Variants in APOBEC2 observed in about 807,000 individuals in gnomAD.
APOBEC2 encodes the protein C->U-editing enzyme APOBEC-2.
APOBEC2 carries 14 observed loss-of-function variants against 19.4 expected under a neutral mutation model. The ratio of observed to expected loss-of-function variants is 0.72; its 90% CI spans 0.48 to 1.13. The LOEUF is 1.13. APOBEC2 is among the 50% of genes most tolerant of loss of function. APOBEC2 has a pLI of 0.00. For synonymous variants in APOBEC2, 127 were observed against 112.1 expected (o/e 1.13, Z -0.84); for missense variants, 304 against 277.0 (o/e 1.10, Z -0.69).
At chr6:41,057,103 T>C (rs1762806716) in intron 1 of APOBEC2, among the ~76,000 whole-genome samples, 1 of 152,238 alleles carries the variant, frequency 6.6e-6, no homozygotes, top group African/African-American at 2.4e-5. Flanking sequence ...CCAGGGATTA[T>C]TATGGAACAA....
intron 1 of APOBEC2, 88 bp downstream of exon 1, chr6:41,053,566 G>A (rs1762757553): frequency 6.4e-7 from 1 of 1,570,526 alleles, no homozygotes. Context: ...GTTATATTAG[G>A]CGTCAGGGAC....
At chr6:41,057,557 TTGGTATCCGCTTTGAAAAG>T (rs1330530683) in intron 1 of APOBEC2, among the ~76,000 whole-genome samples, 1 of 152,178 alleles carries the variant, frequency 6.6e-6, no homozygotes, top group Non-Finnish European at 1.5e-5. Flanking sequence ...TGCCCACTCC[TTGGTATCCGCTTTGAAAAG>T]TGGTCTGAGA....
intron 1 of APOBEC2, among the ~76,000 whole-genome samples, chr6:41,056,651 C>T (rs1160798127): frequency 6.6e-6 from 1 of 152,186 alleles, no homozygotes; most frequent in Non-Finnish European, 1.5e-5. Flanking sequence ...TGCCTGTTTC[C>T]CCTGTTAGTA....
At chr6:41,055,966 C>G (rs1282975482) in intron 1 of APOBEC2, among the ~76,000 whole-genome samples, 2 of 152,106 alleles carry the variant, frequency 1.3e-5, no homozygotes, top group African/African-American at 4.8e-5. Context: ...ATGAGTGTTA[C>G]ACTTATCAGC....
chr6:41,063,677 C>A (rs923278556), intron 2 of APOBEC2, among the ~76,000 whole-genome samples: 2 of 118,344 alleles, frequency 1.7e-5, no homozygotes, highest in African/African-American at 6.4e-5. Flanking sequence ...AAAAAAAAAA[C>A]TGGCATGAGA....
At chr6:41,055,026 A>G (rs1236464602) in intron 1 of APOBEC2, among the ~76,000 whole-genome samples, 1 of 152,222 alleles carries the variant, frequency 6.6e-6, no homozygotes, top group East Asian at 1.9e-4. Flanking sequence ...TATAATCACA[A>G]CATAGTTTCA....
At position 41,064,616 on chromosome 6, in the gene APOBEC2, T is replaced by C. The variant is rs1762935821; in HGVS notation, c.*537T>C. ...ACACTCCAGGCTATGAACCAAGCCATGGTTAAACCAAGACTTGCCTAGACA... is the reference window on the plus strand; with the variant it reads ...ACACTCCAGGCTATGAACCAAGCCACGGTTAAACCAAGACTTGCCTAGACA... On this transcript the variant is annotated 3_prime_UTR_variant, in exon 3 of 3. Transcript: ENST00000244669. 6.6e-6 allele frequency: 1 copy of C among 152,208 alleles called. No individual in the cohort carries two copies. Among genetic ancestry groups the C allele is most frequent in the African/African-American group, 2.4e-5 (1 of 41,450 alleles). The allele number at this position is 152,208 out of a possible 1,614,324, so 9.4% of individuals were successfully genotyped here.
intron 1 of APOBEC2, among the ~76,000 whole-genome samples, chr6:41,056,161 G>C (rs907971829): frequency 2.6e-5 from 4 of 152,090 alleles, no homozygotes; most frequent in South Asian, 2.1e-4. Context: ...TTGCTCTGTT[G>C]CCCAGGATGG....
At chr6:41,059,081 G>A (rs780661207) in intron 1 of APOBEC2, among the ~76,000 whole-genome samples, 1 of 152,114 alleles carries the variant, frequency 6.6e-6, no homozygotes, top group Non-Finnish European at 1.5e-5. Context: ...GCTTAAGAAG[G>A]GCAGAAAGAA....
rs1310796502 is a variant in APOBEC2 at position 41,061,835 on chromosome 6, A to G, written c.639A>G (p.Leu213=). 3 of 1,613,966 alleles carry G rather than the reference A, an allele frequency of 1.9e-6. No individual in the cohort carries two copies. Among genetic ancestry groups the G allele is most frequent in the African/African-American group, 2.7e-5 (2 of 74,940 alleles). The change falls in exon 2 of 3, where the codon CTA becomes CTG. Residue 213 remains leucine (L), a synonymous_variant. Transcript: ENST00000244669. Reference sequence around the variant, plus strand: ...GGGAGGACATTCAGGAGAACTTCCTATACTACGAGGAGAAGTTGGCAGACA... The same window carrying G: ...GGGAGGACATTCAGGAGAACTTCCTGTACTACGAGGAGAAGTTGGCAGACA... The part of the protein sequence containing the change: ...QPWEDIQENF[L]YYEEKLADIL...
At chr6:41,055,252 T>C (rs1323872439) in intron 1 of APOBEC2, among the ~76,000 whole-genome samples, 1 of 152,134 alleles carries the variant, frequency 6.6e-6, no homozygotes, top group East Asian at 1.9e-4. Context: ...CTCCACGTTA[T>C]CTCTATCTGG....
chr6:41,056,554 G>A (rs1250829861), intron 1 of APOBEC2, among the ~76,000 whole-genome samples: 7 of 152,204 alleles, frequency 4.6e-5, no homozygotes, highest in African/African-American at 1.7e-4. Flanking sequence ...TGAACCCCAG[G>A]ACTGTCTGAC....
chr6:41,060,670 C>T (rs1234491198), intron 1 of APOBEC2, among the ~76,000 whole-genome samples: 1 of 152,236 alleles, frequency 6.6e-6, no homozygotes, highest in Non-Finnish European at 1.5e-5. Flanking sequence ...TAGCATGTGA[C>T]AATCCCTTTA....
intron 1 of APOBEC2, among the ~76,000 whole-genome samples, chr6:41,056,385 T>G (rs1273050621): frequency 2.6e-5 from 4 of 152,264 alleles, no homozygotes; most frequent in Non-Finnish European, 5.9e-5. Context: ...CCTCCCAAAG[T>G]GCTGGGACTA....
At chr6:41,060,947 G>C (rs1467680743) in intron 1 of APOBEC2, among the ~76,000 whole-genome samples, 1 of 152,154 alleles carries the variant, frequency 6.6e-6, no homozygotes, top group African/African-American at 2.4e-5. Flanking sequence ...GATTTAATTG[G>C]TTTGGCATGA....
At chr6:41,059,893 T>C (rs1054695038) in intron 1 of APOBEC2, among the ~76,000 whole-genome samples, 6 of 152,232 alleles carry the variant, frequency 3.9e-5, no homozygotes, top group African/African-American at 1.4e-4. Flanking sequence ...GTAGAATTAA[T>C]GGTGCCATAG....
At chr6:41,061,218 G>A in intron 1 of APOBEC2, 110 bp from the exon 2 acceptor site, 2 of 507,220 alleles carry the variant, frequency 3.9e-6, no homozygotes, top group East Asian at 4.3e-5. Flanking sequence ...TTTATAGTAA[G>A]AGTGAATGCA....
At chr6:41,058,565 G>A (rs1762831880) in intron 1 of APOBEC2, among the ~76,000 whole-genome samples, 1 of 152,156 alleles carries the variant, frequency 6.6e-6, no homozygotes, top group Non-Finnish European at 1.5e-5. Flanking sequence ...CAAGTTAGGT[G>A]TCATTATTTC....
intron 1 of APOBEC2, among the ~76,000 whole-genome samples, chr6:41,056,396 T>C (rs906938918): frequency 2.0e-5 from 3 of 152,260 alleles, no homozygotes; most frequent in African/African-American, 4.8e-5. Flanking sequence ...GCTGGGACTA[T>C]TGGCGTGGGC....
Sources: gnomAD v4.1 joint callset for allele counts (sites outside exome capture counted in the v4.1 genomes callset) on GRCh38, gnomAD v4.1.1 for gene constraint, MANE v1.5 for transcripts, NCBI Gene and HGNC (gene_info 2026-07-23, HGNC 2026-07-21) for gene names.